Variants in PCDH11X observed in about 807,000 individuals in gnomAD.
PCDH11X encodes the protein protocadherin 11 X-linked, also known as protocadherin-11 X-linked.
Under a neutral mutation model 53.3 loss-of-function variants are expected in PCDH11X, and 18 were observed. That is an observed-to-expected ratio of 0.34 (90% CI 0.23 to 0.50). The LOEUF (loss-of-function observed/expected upper bound fraction) is 0.50. Among genes scored for constraint, PCDH11X ranks in the 20% least tolerant of loss-of-function variants. The pLI is 0.98. For synonymous variants in PCDH11X, 279 were observed against 393.3 expected (o/e 0.71, Z 3.44); for missense variants, 570 against 1,032.4 (o/e 0.55, Z 6.14).
chrX:92,241,951 C>A (rs1352259360), intron 7 of PCDH11X, among the ~76,000 whole-genome samples: 1 of 110,352 alleles, frequency 9.1e-6, no homozygotes, highest in African/African-American at 3.3e-5. Context: ...TGTGTATGTT[C>A]ATGTATCCAC....
At chrX:91,779,796 C>A (rs1292551751) in intron 1 of PCDH11X, 112 bp downstream of exon 1, 1 of 105,858 alleles carries the variant, frequency 9.4e-6, no homozygotes, top group Non-Finnish European at 1.9e-5. Flanking sequence ...ACTATGACAA[C>A]GGGGTGGTTT....
At chrX:92,063,878 C>T (rs1016954656) in intron 6 of PCDH11X, among the ~76,000 whole-genome samples, 1 of 108,227 alleles carries the variant, frequency 9.2e-6, no homozygotes, top group African/African-American at 3.4e-5. Flanking sequence ...GTATTGGGCC[C>T]CCAGCTTTGT....
intron 10 of PCDH11X, among the ~76,000 whole-genome samples, chrX:92,555,996 GGAGT>G (rs1344752465): frequency 1.8e-5 from 2 of 109,236 alleles, no homozygotes; most frequent in Non-Finnish European, 3.8e-5. Context: ...GTGACAGAAA[GGAGT>G]GAGTGCTGAG....
intron 7 of PCDH11X, among the ~76,000 whole-genome samples, chrX:92,237,773 G>T (rs1202596687): frequency 1.8e-5 from 2 of 111,135 alleles, no homozygotes; most frequent in African/African-American, 6.5e-5. Context: ...CTTGGTTTCT[G>T]CACCCATATT....
chrX:92,390,187 G>C lies in PCDH11X; in HGVS notation c.3343+2254G>C, dbSNP rs2754891. Among the ~76,000 whole-genome samples, 452 of 109,834 alleles carry C rather than the reference G, an allele frequency of 4.1e-3. 8 individuals are homozygous for C. Among genetic ancestry groups the C allele is most frequent in the African/African-American group, 0.015 (439 of 29,874 alleles). Reference sequence around the variant, plus strand: ...ATTTTTTTACTATGAATAATACTAAGAAACTGCTCTCCTACTAAATGTGAA... The same window carrying C: ...ATTTTTTTACTATGAATAATACTAACAAACTGCTCTCCTACTAAATGTGAA... On this transcript the variant is annotated intron_variant, in intron 9 of 10. Coordinates refer to ENST00000682573, the MANE Select transcript of PCDH11X (RefSeq NM_032968.5).
At chrX:92,535,510 G>A (rs371602953) in intron 10 of PCDH11X, among the ~76,000 whole-genome samples, 2 of 110,787 alleles carry the variant, frequency 1.8e-5, no homozygotes, top group African/African-American at 3.3e-5. Flanking sequence ...AACAGACACC[G>A]GGGCATATCG....
intron 7 of PCDH11X, among the ~76,000 whole-genome samples, chrX:92,212,127 T>C (rs2066601714): frequency 9.4e-6 from 1 of 106,272 alleles, no homozygotes; most frequent in Non-Finnish European, 1.9e-5. Flanking sequence ...TTCTTGTACA[T>C]TAGCCTCCCA....
intron 5 of PCDH11X, among the ~76,000 whole-genome samples, chrX:91,848,090 A>G (rs1285582462): frequency 8.9e-6 from 1 of 112,063 alleles, no homozygotes; most frequent in Non-Finnish European, 1.9e-5. Context: ...CCATGTGAGT[A>G]TAGCCTGAAG....
At chrX:91,888,454 A>G (rs1020036034) in intron 6 of PCDH11X, among the ~76,000 whole-genome samples, 5 of 111,399 alleles carry the variant, frequency 4.5e-5, no homozygotes, top group African/African-American at 6.5e-5. Flanking sequence ...GGAGTTTCAG[A>G]CCAGCCTGGG....
At chrX:92,269,122 T>C (rs1368273860) in intron 8 of PCDH11X, among the ~76,000 whole-genome samples, 1 of 111,862 alleles carries the variant, frequency 8.9e-6, no homozygotes, top group Non-Finnish European at 1.9e-5. Flanking sequence ...TCTGGTTAAC[T>C]TGAGCTTTCC....
intron 8 of PCDH11X, among the ~76,000 whole-genome samples, chrX:92,276,494 C>T (rs1183573015): frequency 9.1e-6 from 1 of 110,269 alleles, no homozygotes; most frequent in Non-Finnish European, 1.9e-5. Flanking sequence ...ATTCCTTGGC[C>T]TGGTGGTCAG....
At chrX:91,980,994 A>G (rs1191703068) in intron 6 of PCDH11X, among the ~76,000 whole-genome samples, 1 of 101,883 alleles carries the variant, frequency 9.8e-6, no homozygotes, top group Non-Finnish European at 2.0e-5. Context: ...ATATATATAT[A>G]TACACTGAAT....
intron 6 of PCDH11X, among the ~76,000 whole-genome samples, chrX:92,039,059 G>C (rs1602734060): frequency 8.9e-6 from 1 of 112,016 alleles, no homozygotes; most frequent in Non-Finnish European, 1.9e-5. Context: ...CAATACTACT[G>C]TCATCCATGG....
chrX:92,338,000 A>G (rs1386167695), intron 8 of PCDH11X, among the ~76,000 whole-genome samples: 3 of 111,071 alleles, frequency 2.7e-5, no homozygotes, highest in Non-Finnish European at 5.7e-5. Flanking sequence ...ATCTTTGCCT[A>G]TTCAGTTTGC....
intron 6 of PCDH11X, among the ~76,000 whole-genome samples, chrX:91,987,673 G>A (rs1047921202): frequency 9.0e-6 from 1 of 110,696 alleles, no homozygotes; most frequent in African/African-American, 3.3e-5. Flanking sequence ...GAATTTTATG[G>A]AAACACTCAT....
chrX:91,839,713 T>A (rs1937449216), intron 5 of PCDH11X, among the ~76,000 whole-genome samples: 2 of 111,278 alleles, frequency 1.8e-5, no homozygotes, highest in South Asian at 7.5e-4. Flanking sequence ...ATAAAACTTA[T>A]TTATGTGACT....
At chrX:92,173,385 T>C (rs925500028) in intron 6 of PCDH11X, among the ~76,000 whole-genome samples, 1 of 111,949 alleles carries the variant, frequency 8.9e-6, no homozygotes, top group African/African-American at 3.3e-5. Flanking sequence ...CAATTCATTT[T>C]GTTGTTGTTT....
At chrX:92,324,219 G>T (rs762047414) in intron 8 of PCDH11X, among the ~76,000 whole-genome samples, 1 of 109,530 alleles carries the variant, frequency 9.1e-6, no homozygotes, top group Non-Finnish European at 1.9e-5. Context: ...TTATGCTCAA[G>T]TAATTGATGT....
At chrX:92,149,485 G>A (rs1214295042) in intron 6 of PCDH11X, among the ~76,000 whole-genome samples, 1 of 87,431 alleles carries the variant, frequency 1.1e-5, no homozygotes, top group African/African-American at 4.7e-5. Flanking sequence ...ATATGTGTGT[G>A]TGTATATATA....
Sources: allele counts gnomAD v4.1 joint callset (sites outside exome capture counted in the v4.1 genomes callset), GRCh38; gene constraint gnomAD v4.1.1; transcripts MANE v1.5; gene names NCBI Gene and HGNC (gene_info 2026-07-23, HGNC 2026-07-21).